The following HEMK2 variants were observed in gnomAD, a reference collection of about 807,000 sequenced individuals.
The protein encoded by HEMK2 is HemK methyltransferase 2, ETF1 glutamine and histone H4 lysine.
chr21:28,724,766 AG>A, the HEMK2 span, among the ~76,000 whole-genome samples: 1 of 151,898 alleles, frequency 6.6e-6, no homozygotes, highest in Non-Finnish European at 1.5e-5. Flanking sequence ...TACATGTATC[AG>A]GTTTTTTGTT....
chr21:28,811,167 A>G, the HEMK2 span, among the ~76,000 whole-genome samples: 12 of 151,990 alleles, frequency 7.9e-5, no homozygotes, highest in Non-Finnish European at 1.3e-4. Context: ...GGATTTCTTG[A>G]GACCAGGAAT....
At chr21:28,885,156 G>T in the HEMK2 span, 2 of 1,478,472 alleles carry the variant, frequency 1.4e-6, no homozygotes, top group South Asian at 2.6e-5. Flanking sequence ...CTCCTCCACC[G>T]CACTTCTTCA....
chr21:28,839,784 C>G, the HEMK2 span, among the ~76,000 whole-genome samples: 1 of 152,050 alleles, frequency 6.6e-6, no homozygotes, highest in African/African-American at 2.4e-5. Context: ...TGAAAATGAC[C>G]ATACTGCCAA....
chr21:28,814,503 C>G, the HEMK2 span, among the ~76,000 whole-genome samples: 12 of 150,726 alleles, frequency 8.0e-5, no homozygotes, highest in African/African-American at 2.7e-4. Context: ...GGCTAATATC[C>G]AGAATCTACA....
At chr21:28,610,812 C>T in the HEMK2 span, among the ~76,000 whole-genome samples, 1 of 152,082 alleles carries the variant, frequency 6.6e-6, no homozygotes, top group African/African-American at 2.4e-5. Context: ...AGAGACATTA[C>T]GTAATGATAA....
chr21:28,679,768 A>C, the HEMK2 span, among the ~76,000 whole-genome samples: 1 of 152,186 alleles, frequency 6.6e-6, no homozygotes, highest in African/African-American at 2.4e-5. Flanking sequence ...ACTCAACTAC[A>C]TGGAAACTGA....
the HEMK2 span, among the ~76,000 whole-genome samples, chr21:28,748,938 T>C: frequency 1.3e-5 from 2 of 151,852 alleles, no homozygotes; most frequent in Non-Finnish European, 2.9e-5. Context: ...ATCTAGATTC[T>C]TGATAAATAT....
chr21:28,846,632 AT>A, the HEMK2 span, among the ~76,000 whole-genome samples: 39,323 of 151,670 alleles, frequency 0.26, 5,861 homozygotes, highest in African/African-American at 0.4. Context: ...CCCTTTGTCA[AT>A]TTTTTTTAAC....
chr21:28,878,412 T>A, the HEMK2 span: 2 of 1,529,912 alleles, frequency 1.3e-6, no homozygotes, highest in Admixed American at 1.8e-5. Flanking sequence ...TGACAAGTAA[T>A]ATCACCAAAA....
the HEMK2 span, among the ~76,000 whole-genome samples, chr21:28,596,408 T>C: frequency 3.7e-4 from 56 of 152,204 alleles, no homozygotes; most frequent in Admixed American, 1.3e-4. Flanking sequence ...TTCTCAGTAT[T>C]ACAACAAATA....
the HEMK2 span, among the ~76,000 whole-genome samples, chr21:28,847,082 T>A: frequency 0.11 from 16,750 of 152,238 alleles, 1,148 homozygotes; most frequent in South Asian, 0.16. Context: ...TTGTGAATAA[T>A]GCTGTGATGA....
At chr21:28,592,757 T>C in the HEMK2 span, among the ~76,000 whole-genome samples, 1 of 152,230 alleles carries the variant, frequency 6.6e-6, no homozygotes, top group Non-Finnish European at 1.5e-5. Context: ...ACTGAAAGCT[T>C]ACTGTTGTTG....
the HEMK2 span, among the ~76,000 whole-genome samples, chr21:28,712,590 GA>G: frequency 6.6e-6 from 1 of 152,138 alleles, no homozygotes. Context: ...CCAGGCAGAG[GA>G]ACCAACAATC....
the HEMK2 span, among the ~76,000 whole-genome samples, chr21:28,596,973 C>G: frequency 2.0e-5 from 3 of 152,166 alleles, no homozygotes; most frequent in South Asian, 6.2e-4. Context: ...AAAGAATTTT[C>G]TTAGCTTTTT....
At chr21:28,885,008 G>A in the HEMK2 span, among the ~76,000 whole-genome samples, 1 of 152,226 alleles carries the variant, frequency 6.6e-6, no homozygotes, top group Non-Finnish European at 1.5e-5. Context: ...CAGCCCCCTG[G>A]CAAAGGAGAT....
At chr21:28,589,580 A>T in the HEMK2 span, among the ~76,000 whole-genome samples, 56 of 152,198 alleles carry the variant, frequency 3.7e-4, no homozygotes, top group Admixed American at 2.2e-3. Flanking sequence ...TAATTAAGTA[A>T]AGGACAGTGG....
the HEMK2 span, among the ~76,000 whole-genome samples, chr21:28,744,871 A>C: frequency 2.0e-5 from 3 of 151,360 alleles, no homozygotes; most frequent in Non-Finnish European, 3.0e-5. Context: ...AGTAAATTAT[A>C]AACCAAACAC....
At chr21:28,587,617 C>T in the HEMK2 span, among the ~76,000 whole-genome samples, 268 of 152,172 alleles carry the variant, frequency 1.8e-3, 4 homozygotes, top group Middle Eastern at 0.017. Flanking sequence ...TGTGTTCAGC[C>T]CCATTTCTTA....
chr21:28,584,925 A>G, the HEMK2 span, among the ~76,000 whole-genome samples: 1 of 152,172 alleles, frequency 6.6e-6, no homozygotes, highest in African/African-American at 2.4e-5. Flanking sequence ...CAAAGCTGAG[A>G]ATTTTAGTTA....
Sources: allele counts gnomAD v4.1 joint callset (sites outside exome capture counted in the v4.1 genomes callset), GRCh38; gene constraint gnomAD v4.1.1; transcripts MANE v1.5; gene names NCBI Gene and HGNC (gene_info 2026-07-23, HGNC 2026-07-21).